RANBP3L: variants seen among roughly 807,000 people sequenced by gnomAD.
RANBP3L encodes the protein RAN binding protein 3 like.
In RANBP3L, 56 loss-of-function variants were observed where a neutral mutation model predicts 67.2. The ratio of observed to expected loss-of-function variants is 0.83; its 90% CI spans 0.67 to 1.04. RANBP3L has a LOEUF of 1.04. Among genes scored for constraint, RANBP3L ranks in the 50% least tolerant of loss-of-function variants. The pLI is 0.00. For synonymous variants in RANBP3L, 164 were observed against 181.4 expected, an observed-to-expected ratio of 0.90 and a Z score of 0.77; for missense variants, 496 against 535.5, an observed-to-expected ratio of 0.93 and a Z score of 0.73.
chr5:36,292,814 T>G (rs1246110912), intron 1 of RANBP3L, among the ~76,000 whole-genome samples: 16 of 152,236 alleles, frequency 1.1e-4, no homozygotes, highest in Admixed American at 6.5e-4. Context: ...CCTTGTAGGA[T>G]AGTTTGAAGT....
At chr5:36,265,837 C>T (rs6898215) in intron 4 of RANBP3L, among the ~76,000 whole-genome samples, 1 of 151,862 alleles carries the variant, frequency 6.6e-6, no homozygotes, top group African/African-American at 2.4e-5. Flanking sequence ...ATGAGCCGGG[C>T]GTGGTGGCAG....
At chr5:36,267,433 G>A (rs923128322) in intron 4 of RANBP3L, among the ~76,000 whole-genome samples, 9 of 151,908 alleles carry the variant, frequency 5.9e-5, no homozygotes, top group South Asian at 2.1e-4. Context: ...ACTTAAACCC[G>A]GGAGGCAGAG....
chr5:36,301,178 A>T, intron 1 of RANBP3L, 148 bp downstream of exon 1: 1 of 665,408 alleles, frequency 1.5e-6, no homozygotes, highest in Non-Finnish European at 2.7e-6. Flanking sequence ...GTCCTCTAAA[A>T]ATCAATAGTG....
At chr5:36,285,017 G>A (rs1000581254) in intron 1 of RANBP3L, among the ~76,000 whole-genome samples, 27 of 152,216 alleles carry the variant, frequency 1.8e-4, no homozygotes, top group African/African-American at 6.0e-4. Context: ...AGCAGTCTCC[G>A]GAGTCCGGAT....
At chr5:36,298,030 G>A (rs1752349874) in intron 1 of RANBP3L, among the ~76,000 whole-genome samples, 1 of 152,138 alleles carries the variant, frequency 6.6e-6, no homozygotes. Flanking sequence ...GGTCAGTGCG[G>A]TGGCTTATGC....
At chr5:36,283,539 T>TACACACACACACACAC (rs3086448) in intron 1 of RANBP3L, among the ~76,000 whole-genome samples, 13 of 144,796 alleles carry the variant, frequency 9.0e-5, no homozygotes, top group African/African-American at 3.3e-4. Flanking sequence ...TATATAAAAA[T>TACACACACACACACAC]ACACACACAC....
chr5:36,271,301 G>A lies in RANBP3L; in HGVS notation c.102C>T (p.Val34=). 3.2e-6 allele frequency: 5 copies of A among 1,582,074 alleles called. No individual in the cohort carries two copies. Among genetic ancestry groups the A allele is most frequent in the Non-Finnish European group, 4.3e-6 (5 of 1,153,050 alleles). Reference sequence around the variant, plus strand: ...CAAAAACAAATATGGGTTGAGCAATGACAGATTTTTCTGTGAAAAAAAAGA... The same window carrying A: ...CAAAAACAAATATGGGTTGAGCAATAACAGATTTTTCTGTGAAAAAAAAGA... ...QEDRRQQEKS[V]IAQPIFVFEK... is the part of the protein sequence containing the mutation. The change falls in exon 2 of 14, where the codon GTC becomes GTT. Residue 34 remains valine, a synonymous_variant. Transcript: ENST00000296604.
chr5:36,257,527 A>T lies in RANBP3L; in HGVS notation c.699T>A (p.Leu233=). 1 of 1,586,488 alleles carries T rather than the reference A, an allele frequency of 6.3e-7. No individual in the cohort carries two copies. Among genetic ancestry groups the T allele is most frequent in the Non-Finnish European group, 8.6e-7 (1 of 1,162,402 alleles). Residue 233 remains leucine, a synonymous_variant, in exon 9 of 14, where the codon CTT becomes CTA. Transcript: ENST00000296604. ...TTTCCTTGGCATATGAATCATTTTCAAGTTGAGGCTGGGTGAGTTTTTGAG... is the reference window on the plus strand; with the variant it reads ...TTTCCTTGGCATATGAATCATTTTCTAGTTGAGGCTGGGTGAGTTTTTGAG... The part of the protein sequence containing the change: ...LGTQKLTQPQ[L]ENDSYAKEKP...
At chr5:36,251,688 A>G (rs1199715031) in intron 12 of RANBP3L, among the ~76,000 whole-genome samples, 189 bp from the exon 13 acceptor site, 1 of 152,198 alleles carries the variant, frequency 6.6e-6, no homozygotes, top group Non-Finnish European at 1.5e-5. Flanking sequence ...CCTAAAATGT[A>G]TACTTTTATA....
At chr5:36,297,328 AG>A (rs1393285597) in intron 1 of RANBP3L, among the ~76,000 whole-genome samples, 1 of 151,946 alleles carries the variant, frequency 6.6e-6, no homozygotes, top group East Asian at 1.9e-4. Context: ...AGGAAGAGGA[AG>A]GGTTGATCTT....
intron 1 of RANBP3L, among the ~76,000 whole-genome samples, chr5:36,286,853 G>A (rs1751360034): frequency 6.6e-6 from 1 of 152,084 alleles, no homozygotes; most frequent in South Asian, 2.1e-4. Context: ...CCTCTTACAG[G>A]TCTTTACTCA....
Position 36,249,685 on chromosome 5 carries a change from C to T in RANBP3L, c.1367G>A (p.Trp456Ter). The change falls in exon 14 of 14, where the codon TGG (tryptophan) becomes TAG (stop). Residue 456 changes from tryptophan to a stop codon, truncating the protein, a stop_gained. Coordinates refer to ENST00000296604, the MANE Select transcript of RANBP3L (RefSeq NM_145000.5). LOFTEE classifies it high-confidence loss of function. ...VTKNGSDPSS[W>*]THRQSVACS The stretch of plus-strand genomic sequence containing the variant: ...ACAGGCAACCGACTGTCTGTGAGTC[C>T]AACTAGAAGGATCTGTGATATAAAT... The T allele has an allele frequency of 6.5e-7, 1 of 1,544,434 alleles. No homozygotes were observed. Among genetic ancestry groups the T allele is most frequent in the East Asian group, 2.3e-5 (1 of 43,188 alleles).
chr5:36,297,150 ATATAT>A (rs143504713), intron 1 of RANBP3L, among the ~76,000 whole-genome samples: 1,802 of 152,096 alleles, frequency 0.012, 19 homozygotes, highest in Middle Eastern at 0.02. Flanking sequence ...TACATATTTT[ATATAT>A]TATATGTGTT....
intron 1 of RANBP3L, among the ~76,000 whole-genome samples, chr5:36,292,830 A>T (rs1283557404): frequency 6.6e-6 from 1 of 152,210 alleles, no homozygotes; most frequent in Admixed American, 6.5e-5. Flanking sequence ...GAAGTCAGGT[A>T]GCGTGATGCC....
At chr5:36,266,038 A>C (rs977965701) in intron 4 of RANBP3L, among the ~76,000 whole-genome samples, 1 of 151,508 alleles carries the variant, frequency 6.6e-6, no homozygotes, top group Non-Finnish European at 1.5e-5. Flanking sequence ...AGTTCTGTTT[A>C]CTTTCAGATA....
chr5:36,277,464 G>A (rs1392395165), intron 1 of RANBP3L, among the ~76,000 whole-genome samples: 39 of 149,904 alleles, frequency 2.6e-4, no homozygotes, highest in East Asian at 7.8e-4. Flanking sequence ...GTGTGTGTGT[G>A]TGTGTGTGTG....
chr5:36,254,762 A>G (rs1369818353), intron 11 of RANBP3L, among the ~76,000 whole-genome samples: 1 of 152,076 alleles, frequency 6.6e-6, no homozygotes, highest in Non-Finnish European at 1.5e-5. Context: ...ACCTCTCAAA[A>G]TTGACCAATA....
At chr5:36,288,925 C>G (rs962285559) in intron 1 of RANBP3L, among the ~76,000 whole-genome samples, 4 of 151,756 alleles carry the variant, frequency 2.6e-5, no homozygotes, top group African/African-American at 9.7e-5. Flanking sequence ...TTTTGAAGAA[C>G]AGATATGTTT....
intron 4 of RANBP3L, among the ~76,000 whole-genome samples, chr5:36,267,489 C>T (rs1258893936): frequency 6.6e-6 from 1 of 150,492 alleles, no homozygotes; most frequent in East Asian, 1.9e-4. Context: ...GCCTGGGCGA[C>T]AGAGCCAGAC....
Sources: allele counts gnomAD v4.1 joint callset (sites outside exome capture counted in the v4.1 genomes callset), GRCh38; gene constraint gnomAD v4.1.1; transcripts MANE v1.5; gene names NCBI Gene and HGNC (gene_info 2026-07-23, HGNC 2026-07-21).